ABTB3: variants seen among roughly 807,000 people sequenced by gnomAD.
ABTB3 encodes ankyrin repeat and BTB domain containing 3.
At chr12:107,615,547 T>C in the ABTB3 span, among the ~76,000 whole-genome samples, 2 of 152,212 alleles carry the variant, frequency 1.3e-5, no homozygotes, top group Non-Finnish European at 2.9e-5. Flanking sequence ...CTGGTGTTTG[T>C]GTAGAATCCA....
the ABTB3 span, among the ~76,000 whole-genome samples, chr12:107,498,551 CT>C: frequency 2.0e-5 from 3 of 152,132 alleles, no homozygotes; most frequent in African/African-American, 7.2e-5. Context: ...ATTTCCATGC[CT>C]TTTCCAGCTT....
chr12:107,457,955 G>A, the ABTB3 span, among the ~76,000 whole-genome samples: 5 of 152,214 alleles, frequency 3.3e-5, no homozygotes, highest in African/African-American at 9.6e-5. Flanking sequence ...TGACCTTGCT[G>A]AGCCTCAGTT....
the ABTB3 span, among the ~76,000 whole-genome samples, chr12:107,510,886 C>T: frequency 6.6e-6 from 1 of 151,976 alleles, no homozygotes; most frequent in African/African-American, 2.4e-5. Context: ...CAGGCCACTG[C>T]ACGCCAGCCT....
chr12:107,578,962 G>A, the ABTB3 span, among the ~76,000 whole-genome samples: 2 of 152,208 alleles, frequency 1.3e-5, no homozygotes, highest in African/African-American at 2.4e-5. Flanking sequence ...CTGGAGCTGC[G>A]GCGGGAGCCG....
the ABTB3 span, among the ~76,000 whole-genome samples, chr12:107,353,084 T>A: frequency 6.6e-6 from 1 of 152,202 alleles, no homozygotes; most frequent in African/African-American, 2.4e-5. Context: ...GATGGTCATG[T>A]GGCTTAGTGG....
chr12:107,431,823 G>C, the ABTB3 span, among the ~76,000 whole-genome samples: 1 of 152,190 alleles, frequency 6.6e-6, no homozygotes, highest in East Asian at 1.9e-4. Context: ...TTCCCAGCTA[G>C]GGAATCCGGG....
the ABTB3 span, among the ~76,000 whole-genome samples, chr12:107,339,897 C>T: frequency 6.6e-6 from 1 of 152,050 alleles, no homozygotes; most frequent in Non-Finnish European, 1.5e-5. Context: ...AAACACAAAC[C>T]ATTACCTTTA....
At chr12:107,520,515 T>A in the ABTB3 span, 1 of 1,614,144 alleles carries the variant, frequency 6.2e-7, no homozygotes, top group South Asian at 1.1e-5. Context: ...ACAGCCTGAA[T>A]CTTCACAGAG....
chr12:107,382,429 G>T, the ABTB3 span, among the ~76,000 whole-genome samples: 2 of 152,172 alleles, frequency 1.3e-5, no homozygotes, highest in Non-Finnish European at 2.9e-5. Flanking sequence ...AATTGTGAAT[G>T]GGAGTTTACT....
At chr12:107,554,732 C>T in the ABTB3 span, among the ~76,000 whole-genome samples, 3 of 152,190 alleles carry the variant, frequency 2.0e-5, no homozygotes, top group Non-Finnish European at 2.9e-5. Context: ...GTCTCTGTTT[C>T]TAACAAGCTC....
chr12:107,389,504 C>T, the ABTB3 span, among the ~76,000 whole-genome samples: 2 of 152,192 alleles, frequency 1.3e-5, no homozygotes, highest in Non-Finnish European at 2.9e-5. Flanking sequence ...CTGCCCCCAA[C>T]AAGAGGTTCT....
At chr12:107,352,393 T>A in the ABTB3 span, among the ~76,000 whole-genome samples, 6 of 152,006 alleles carry the variant, frequency 3.9e-5, no homozygotes, top group African/African-American at 1.4e-4. Context: ...GAGGGAATAG[T>A]CTGGAGGAAA....
chr12:107,362,387 A>G, the ABTB3 span, among the ~76,000 whole-genome samples: 1 of 152,218 alleles, frequency 6.6e-6, no homozygotes, highest in Non-Finnish European at 1.5e-5. Flanking sequence ...GAGGCCTTCC[A>G]TCTCCCCAGG....
At chr12:107,403,448 C>T in the ABTB3 span, among the ~76,000 whole-genome samples, 1 of 152,272 alleles carries the variant, frequency 6.6e-6, no homozygotes, top group South Asian at 2.1e-4. Context: ...TCAGCTACCT[C>T]AGCCCAGGGA....
At chr12:107,405,066 C>T in the ABTB3 span, among the ~76,000 whole-genome samples, 2 of 152,314 alleles carry the variant, frequency 1.3e-5, no homozygotes, top group South Asian at 4.1e-4. Flanking sequence ...CTGCAACATT[C>T]TGCTTTGGTG....
the ABTB3 span, among the ~76,000 whole-genome samples, chr12:107,372,735 T>A: frequency 6.6e-6 from 1 of 152,224 alleles, no homozygotes; most frequent in African/African-American, 2.4e-5. Context: ...ATGTCCCGTA[T>A]GTCCCTGATG....
the ABTB3 span, among the ~76,000 whole-genome samples, chr12:107,376,083 T>C: frequency 3.3e-5 from 5 of 152,260 alleles, no homozygotes; most frequent in Non-Finnish European, 5.9e-5. Context: ...TGGTGTCCCC[T>C]AGACAACCCC....
the ABTB3 span, among the ~76,000 whole-genome samples, chr12:107,507,532 T>C: frequency 1.3e-5 from 2 of 152,136 alleles, no homozygotes; most frequent in African/African-American, 4.8e-5. Context: ...GGCACCAGAA[T>C]TGATTCCTAA....
At chr12:107,377,476 T>A in the ABTB3 span, among the ~76,000 whole-genome samples, 1 of 151,848 alleles carries the variant, frequency 6.6e-6, no homozygotes, top group African/African-American at 2.4e-5. Context: ...TTTATGCTCA[T>A]CTCCATCTCC....
Sources: allele counts gnomAD v4.1 joint callset (sites outside exome capture counted in the v4.1 genomes callset), GRCh38; gene constraint gnomAD v4.1.1; transcripts MANE v1.5; gene names NCBI Gene and HGNC (gene_info 2026-07-23, HGNC 2026-07-21).